Variants in WDR59 observed in about 807,000 individuals in gnomAD.
The protein encoded by WDR59 is WD repeat domain 59.
In WDR59, 100 loss-of-function variants were observed where a neutral mutation model predicts 131.2. That is an observed-to-expected ratio of 0.76 (90% confidence interval 0.65 to 0.90). The LOEUF is 0.90. Ranked by LOEUF, WDR59 falls within the 40% of genes least tolerant of loss-of-function variation. The pLI is 0.00. For synonymous variants in WDR59, 601 were observed against 466.2 expected (o/e 1.29, Z -3.72); for missense variants, 1,203 against 1,262.2 (o/e 0.95, Z 0.71).
chr16:74,916,056 C>A, intron 12 of WDR59, 62 bp from the exon 13 acceptor site: 1 of 1,613,940 alleles, frequency 6.2e-7, no homozygotes. Context: ...GAGAACAGGT[C>A]TGGGGTATCT....
chr16:74,927,365 A>G (rs2030918262), intron 8 of WDR59, among the ~76,000 whole-genome samples: 1 of 152,116 alleles, frequency 6.6e-6, no homozygotes, highest in Non-Finnish European at 1.5e-5. Flanking sequence ...AGGTAGGCAG[A>G]TCACCTAAGG....
At chr16:74,907,246 A>C (rs1341991702) in intron 17 of WDR59, among the ~76,000 whole-genome samples, 2 of 152,164 alleles carry the variant, frequency 1.3e-5, no homozygotes, top group Non-Finnish European at 2.9e-5. Flanking sequence ...TCAGCTATTC[A>C]TTCATAACTG....
At chr16:74,876,173 C>T (rs1440270994) in intron 25 of WDR59, among the ~76,000 whole-genome samples, 2 of 152,158 alleles carry the variant, frequency 1.3e-5, no homozygotes, top group African/African-American at 4.8e-5. Flanking sequence ...CCAATAAAAA[C>T]TCCTCTGATA....
At chr16:74,984,832 C>G in intron 1 of WDR59, 132 bp downstream of exon 1, 1 of 1,364,586 alleles carries the variant, frequency 7.3e-7, no homozygotes, top group Non-Finnish European at 1.0e-6. Context: ...AAGAGGTCGG[C>G]TAAGCCCCGC....
chr16:74,965,345 T>C (rs1338363219), intron 2 of WDR59, among the ~76,000 whole-genome samples: 3 of 152,202 alleles, frequency 2.0e-5, no homozygotes, highest in South Asian at 2.1e-4. Flanking sequence ...AATTCCTTCA[T>C]GAGAAAACCA....
chr16:74,893,798 C>T lies in WDR59; in HGVS notation c.1881G>A (p.Trp627Ter). 1 of 1,614,098 alleles carries T rather than the reference C, an allele frequency of 6.2e-7. No homozygotes were observed. The highest frequency in any genetic ancestry group is 8.5e-7 in the Non-Finnish European group (1 of 1,180,012). Residue 627 changes from tryptophan to a stop codon, truncating the protein, a stop_gained, in exon 19 of 26, where the codon TGG becomes TGA. Coordinates refer to ENST00000262144, the MANE Select transcript of WDR59 (RefSeq NM_030581.4). LOFTEE classifies it high-confidence loss of function. ...FYYKERKSRR[W>*]KSKREGSDSG... is the part of the protein sequence containing the mutation. ...AGTCTGATCCCTCACGCTTACTTTT[C>T]CATCGTCTTGATTTCTAGGGGTAGA...
At chr16:74,886,627 C>T (rs960944547) in intron 23 of WDR59, among the ~76,000 whole-genome samples, 6 of 152,186 alleles carry the variant, frequency 3.9e-5, no homozygotes, top group South Asian at 2.1e-4. Context: ...ATGATGCTAA[C>T]GCAAATGATG....
chr16:74,958,068 A>G (rs965235182), intron 2 of WDR59, among the ~76,000 whole-genome samples: 28 of 152,350 alleles, frequency 1.8e-4, no homozygotes, highest in African/African-American at 6.5e-4. Flanking sequence ...TAGTAGCTAT[A>G]CATGTGAGGT....
intron 3 of WDR59, among the ~76,000 whole-genome samples, chr16:74,955,270 C>T (rs893512226): frequency 1.3e-5 from 2 of 152,098 alleles, no homozygotes; most frequent in African/African-American, 4.8e-5. Context: ...TTTTGATTGT[C>T]ATAACAACAG....
intron 11 of WDR59, among the ~76,000 whole-genome samples, 187 bp downstream of exon 11, chr16:74,917,742 G>A (rs766991029): frequency 4.7e-5 from 7 of 148,452 alleles, no homozygotes; most frequent in Non-Finnish European, 1.0e-4. Context: ...CCGGGAGGCA[G>A]AGGTTGCAGT....
chr16:74,970,248 A>G (rs890106845), intron 1 of WDR59, among the ~76,000 whole-genome samples: 13 of 152,044 alleles, frequency 8.6e-5, no homozygotes, highest in Non-Finnish European at 1.3e-4. Flanking sequence ...CCATTGGTCT[A>G]TATGTCTAGT....
At chr16:74,916,299 G>A (rs758282022) in intron 11 of WDR59, 40 bp from the exon 12 acceptor site, 9 of 1,611,306 alleles carry the variant, frequency 5.6e-6, no homozygotes, top group South Asian at 1.1e-5. Context: ...AGAGAAGTCC[G>A]TGGAAATGAT....
Position 74,959,088 on chromosome 16 carries a change from G to T in WDR59, c.105-2478C>A, listed in dbSNP as rs575319814. On this transcript the variant is annotated intron_variant, in intron 2 of 25. Transcript: ENST00000262144. ...AAAAAAACACTAAGGAGAGGGTTAT[G>T]TGCAACCCATCCACCCAGGTGGCTG... is the stretch of plus-strand genomic sequence containing the variant. Among the ~76,000 whole-genome samples, 6 of 152,274 alleles carry T rather than the reference G, an allele frequency of 3.9e-5. No individual in the cohort carries two copies. In the East Asian group the frequency reaches 1.2e-3, roughly 29 times the overall value.
In WDR59 at chr16:74,920,431, T is replaced by G. The variant is rs1049573767; in HGVS notation, c.886+1516A>C. ...ATATATTTTTTCTTTTGAGACTGTC[T>G]CGATCTGTCTCCAGGCTGGAGTGCA... On this transcript the variant is annotated intron_variant, in intron 10 of 25. Coordinates refer to ENST00000262144, the MANE Select transcript of WDR59 (RefSeq NM_030581.4). Among the ~76,000 whole-genome samples, 48 of 152,224 alleles carry G rather than the reference T, an allele frequency of 3.2e-4. 1 individual carries two copies. Among genetic ancestry groups the G allele is most frequent in the Admixed American group, 2.8e-3 (43 of 15,286 alleles).
At chr16:74,949,424 AGGAG>A (rs1303812477) in intron 5 of WDR59, among the ~76,000 whole-genome samples, 5 of 133,968 alleles carry the variant, frequency 3.7e-5, no homozygotes, top group African/African-American at 1.4e-4. Context: ...GAGGGAGGAA[AGGAG>A]GGAGGGAGGG....
Position 74,895,328 on chromosome 16 carries a change from T to A in WDR59, c.1867-1516A>T, listed in dbSNP as rs969995154. Among the ~76,000 whole-genome samples, 5 of 152,302 alleles carry A rather than the reference T, an allele frequency of 3.3e-5. No homozygotes were observed. The South Asian group carries it at 1.0e-3, about 32-fold the overall frequency. On this transcript the variant is annotated intron_variant, in intron 18 of 25. Coordinates refer to ENST00000262144, the MANE Select transcript of WDR59 (RefSeq NM_030581.4). The stretch of plus-strand genomic sequence containing the variant: ...CTGAGGCTGGAGTGCAGTGGTGTGA[T>A]CTTGGCTCACTGAAATCTCCGCCTC...
chr16:74,889,341 T>G (rs1964929343), intron 21 of WDR59, among the ~76,000 whole-genome samples: 1 of 152,158 alleles, frequency 6.6e-6, no homozygotes, highest in Non-Finnish European at 1.5e-5. Context: ...CAACATGCAA[T>G]TCTCTAATCC....
In WDR59 at chr16:74,920,293, C is replaced by T. The variant is rs543770907; in HGVS notation, c.886+1654G>A. Among the ~76,000 whole-genome samples, 44 of 152,006 alleles carry T rather than the reference C, an allele frequency of 2.9e-4. No individual in the cohort carries two copies. In the East Asian group the frequency reaches 7.5e-3, roughly 26 times the overall value. On this transcript the variant is annotated intron_variant, in intron 10 of 25. Coordinates refer to ENST00000262144, the MANE Select transcript of WDR59 (RefSeq NM_030581.4). ...TCAACACTTTTTTTTATAAAATAGG[C>T]TTTGTATTAGAGGATTTAGCCCAAA...
intron 1 of WDR59, among the ~76,000 whole-genome samples, chr16:74,969,256 A>AAG (rs2033888180): frequency 3.3e-5 from 5 of 151,848 alleles, no homozygotes; most frequent in African/African-American, 1.2e-4. Flanking sequence ...CTACTTATAA[A>AAG]TATATATATA....
Sources: allele counts gnomAD v4.1 joint callset (sites outside exome capture counted in the v4.1 genomes callset), GRCh38; gene constraint gnomAD v4.1.1; transcripts MANE v1.5; gene names NCBI Gene and HGNC (gene_info 2026-07-23, HGNC 2026-07-21).